The following SEPTIN2 variants were observed in gnomAD, a reference collection of about 807,000 sequenced individuals.
SEPTIN2 encodes septin 2, also known as septin-2.
SEPTIN2 carries 34 observed loss-of-function variants against 46.5 expected under a neutral mutation model. The observed-to-expected ratio is 0.73, with a 90% CI of 0.56 to 0.97. SEPTIN2 has a LOEUF of 0.97. Among genes scored for constraint, SEPTIN2 ranks in the 50% least tolerant of loss-of-function variants. The pLI, the probability that SEPTIN2 is intolerant of heterozygous loss-of-function variation, is 0.00. For synonymous variants in SEPTIN2, 175 were observed against 153.4 expected, an observed-to-expected ratio of 1.14 and a Z score of -1.04; for missense variants, 347 against 448.4, an observed-to-expected ratio of 0.77 and a Z score of 2.04.
chr2:241,335,840 C>T (rs1294422145), intron 4 of SEPTIN2, 135 bp from the exon 5 acceptor site: 1 of 1,106,282 alleles, frequency 9.0e-7, no homozygotes, highest in South Asian at 1.4e-5. Context: ...ATCTTTTTTT[C>T]TTAATCCCCA....
intron 10 of SEPTIN2, 93 bp from the exon 11 acceptor site, chr2:241,348,041 A>C (rs1039540813): frequency 2.2e-6 from 2 of 918,810 alleles, no homozygotes; most frequent in Non-Finnish European, 3.5e-6. Flanking sequence ...TGATAAATAC[A>C]TGTCATTTTA....
At chr2:241,344,852 G>A (rs1182637595) in intron 9 of SEPTIN2, among the ~76,000 whole-genome samples, 1 of 152,194 alleles carries the variant, frequency 6.6e-6, no homozygotes, top group Non-Finnish European at 1.5e-5. Context: ...GATCACTTGA[G>A]GTCAGGAGTT....
chr2:241,349,898 A>G (rs1398928421), intron 11 of SEPTIN2, among the ~76,000 whole-genome samples, 175 bp from the exon 12 acceptor site: 1 of 151,876 alleles, frequency 6.6e-6, no homozygotes, highest in Non-Finnish European at 1.5e-5. Flanking sequence ...CATTTACTTG[A>G]TTTTCTCTTT....
rs1378715712 is a variant in SEPTIN2, at chr2:241,352,330, C to T, written c.*393C>T. The T allele has an allele frequency of 6.6e-6, 1 of 152,570 alleles. No homozygotes were observed. Among genetic ancestry groups the T allele is most frequent in the Non-Finnish European group, 1.5e-5 (1 of 68,036 alleles). The allele number at this position is 152,570 out of a possible 1,614,324, so 9.5% of individuals were successfully genotyped here. Reference sequence around the variant, plus strand: ...TTTTATCTAGAACATTCAGATTTACCATAATGTTCCTTAGTGGTAGAGGTG... The same window carrying T: ...TTTTATCTAGAACATTCAGATTTACTATAATGTTCCTTAGTGGTAGAGGTG... On this transcript the variant is annotated 3_prime_UTR_variant, in exon 13 of 13. Coordinates refer to ENST00000391971, the MANE Select transcript of SEPTIN2 (RefSeq NM_004404.5).
chr2:241,350,672 G>A (rs902167634), intron 12 of SEPTIN2, among the ~76,000 whole-genome samples: 6 of 152,166 alleles, frequency 3.9e-5, no homozygotes, highest in South Asian at 2.1e-4. Context: ...GGGTTCCCTG[G>A]ATGGTGACTG....
At chr2:241,321,814 A>T (rs2077173691) in intron 1 of SEPTIN2, among the ~76,000 whole-genome samples, 1 of 151,726 alleles carries the variant, frequency 6.6e-6, no homozygotes, top group South Asian at 2.1e-4. Context: ...ATTTTCTTTA[A>T]TGATTACCTT....
chr2:241,349,491 A>G (rs2060587784), intron 11 of SEPTIN2, among the ~76,000 whole-genome samples: 2 of 151,788 alleles, frequency 1.3e-5, no homozygotes, highest in Admixed American at 6.6e-5. Context: ...TGCATTTCTC[A>G]CTGTCATCAG....
chr2:241,332,278 T>A (rs1357390695), intron 3 of SEPTIN2, among the ~76,000 whole-genome samples: 1 of 152,224 alleles, frequency 6.6e-6, no homozygotes, highest in African/African-American at 2.4e-5. Context: ...GTACCATATC[T>A]GACAAAGGAT....
At chr2:241,324,043 C>CT (rs2077544389) in intron 1 of SEPTIN2, 173 bp from the exon 2 acceptor site, 1 of 584,580 alleles carries the variant, frequency 1.7e-6, no homozygotes. Context: ...CAGTGCTTAA[C>CT]TTTTCCCTTT....
rs1181837329 is a variant in SEPTIN2, at chr2:241,353,134, C to G, written c.*1197C>G. The G allele has an allele frequency of 6.6e-6, 1 of 152,236 alleles. No individual in the cohort carries two copies. The highest frequency in any genetic ancestry group is 1.5e-5 in the Non-Finnish European group (1 of 68,048). The allele number at this position is 152,236 out of a possible 1,614,324, so 9.4% of individuals were successfully genotyped here. A position where few individuals can be genotyped will look rare whatever the true frequency, so the allele number is the denominator to read the frequency against. The stretch of plus-strand genomic sequence containing the variant: ...CAGTCATCATCTTTTTGTGTGCAGG[C>G]TGTCTCATTTATTTTTAGCCATTGT... On this transcript the variant is annotated 3_prime_UTR_variant, in exon 13 of 13. Coordinates refer to ENST00000391971, the MANE Select transcript of SEPTIN2 (RefSeq NM_004404.5).
Position 241,353,719 on chromosome 2 carries a change from A to G in SEPTIN2, c.*1782A>G, listed in dbSNP as rs974985624. 6.5e-5 allele frequency: 10 copies of G among 153,108 alleles called. No individual in the cohort carries two copies. Among genetic ancestry groups the G allele is most frequent in the African/African-American group, 2.4e-4 (10 of 41,436 alleles). 9.5% of individuals were successfully genotyped at this position (153,108 alleles called of 1,614,324 possible). A position where few individuals can be genotyped will look rare whatever the true frequency, so the allele number is the denominator to read the frequency against. On this transcript the variant is annotated 3_prime_UTR_variant, in exon 13 of 13. Coordinates refer to ENST00000391971, the MANE Select transcript of SEPTIN2 (RefSeq NM_004404.5). ...TGACATTTAATAACTTTGCTGGAAA[A>G]TCTGTAAAAAAGAAAAACAAGTTTG...
intron 3 of SEPTIN2, among the ~76,000 whole-genome samples, chr2:241,329,657 A>G (rs566763890): frequency 2.6e-5 from 4 of 152,296 alleles, no homozygotes; most frequent in African/African-American, 9.6e-5. Context: ...ACACCGAACA[A>G]AGAGGATCAT....
chr2:241,332,086 A>C (rs2079090804), intron 3 of SEPTIN2, among the ~76,000 whole-genome samples: 2 of 152,246 alleles, frequency 1.3e-5, no homozygotes, highest in African/African-American at 2.4e-5. Flanking sequence ...GTAGATTTAA[A>C]TGTAAAGCTA....
chr2:241,322,919 C>T (rs2077355478), intron 1 of SEPTIN2, among the ~76,000 whole-genome samples: 2 of 152,038 alleles, frequency 1.3e-5, no homozygotes, highest in African/African-American at 2.4e-5. Context: ...CCATTTGTGT[C>T]CCTAGTGTCT....
intron 11 of SEPTIN2, among the ~76,000 whole-genome samples, chr2:241,349,581 G>GGGAGGC (rs1317931484): frequency 6.6e-6 from 1 of 152,014 alleles, no homozygotes; most frequent in Non-Finnish European, 1.5e-5. Flanking sequence ...CCAGCACTTT[G>GGGAGGC]GGAGGCGGAG....
intron 3 of SEPTIN2, among the ~76,000 whole-genome samples, chr2:241,326,802 C>T (rs1206240163): frequency 6.6e-6 from 1 of 152,166 alleles, no homozygotes; most frequent in African/African-American, 2.4e-5. Context: ...CAGAAATATC[C>T]TCCAGGCCAG....
chr2:241,345,699 G>C (rs1210548709), intron 9 of SEPTIN2, among the ~76,000 whole-genome samples: 2 of 152,184 alleles, frequency 1.3e-5, no homozygotes, highest in Non-Finnish European at 2.9e-5. Context: ...TTATGGTCTT[G>C]TACATAGCTT....
intron 3 of SEPTIN2, among the ~76,000 whole-genome samples, chr2:241,333,629 G>A (rs1029106194): frequency 1.6e-5 from 2 of 123,550 alleles, no homozygotes; most frequent in East Asian, 3.4e-4. Flanking sequence ...CCTGCCTCCC[G>A]AGTAGCTGGG....
At chr2:241,335,882 A>G (rs762479435) in intron 4 of SEPTIN2, 93 bp from the exon 5 acceptor site, 39 of 1,506,206 alleles carry the variant, frequency 2.6e-5, no homozygotes, top group Non-Finnish European at 3.2e-5. Flanking sequence ...CTCTGTAGAG[A>G]GGCAGTAGAC....
Sources: gnomAD v4.1 joint callset for allele counts (sites outside exome capture counted in the v4.1 genomes callset) on GRCh38, gnomAD v4.1.1 for gene constraint, MANE v1.5 for transcripts, NCBI Gene and HGNC (gene_info 2026-07-23, HGNC 2026-07-21) for gene names.